The following ZNF326 variants were observed in gnomAD, a reference collection of about 807,000 sequenced individuals.
ZNF326 encodes zinc finger protein 326.
In ZNF326, 30 loss-of-function variants were observed where a neutral mutation model predicts 63.1. That is an observed-to-expected ratio of 0.48 (90% CI 0.36 to 0.64). The LOEUF is 0.64. Ranked by LOEUF, ZNF326 falls within the 30% of genes least tolerant of loss-of-function variation. The pLI, the probability that ZNF326 is intolerant of heterozygous loss-of-function variation, is 0.00. For synonymous variants in ZNF326, 194 were observed against 228.2 expected (o/e 0.85, Z 1.35); for missense variants, 609 against 720.3 (o/e 0.85, Z 1.77).
chr1:90,026,065 G>C (rs1481979969), intron 11 of ZNF326, among the ~76,000 whole-genome samples: 1 of 151,364 alleles, frequency 6.6e-6, no homozygotes, highest in African/African-American at 2.4e-5. Context: ...CTGGGTTCAC[G>C]CCATTCTCCT....
chr1:90,006,005 GGTTCCTGCTGAATATAA>G, intron 4 of ZNF326: 1 of 985,364 alleles, frequency 1.0e-6, no homozygotes, highest in Non-Finnish European at 1.2e-6. Flanking sequence ...GAGGCACAAA[GGTTCCTGCTGAATATAA>G]GTAAAACTAG....
rs1432115229 is a variant in ZNF326 at position 90,033,015 on chromosome 1, C to CT, written c.*5317dup. The CT allele has an allele frequency of 2.0e-5, 3 of 152,144 alleles. No individual in the cohort carries two copies. Among genetic ancestry groups the CT allele is most frequent in the Non-Finnish European group, 4.4e-5 (3 of 68,026 alleles). 9.4% of individuals were successfully genotyped at this position (152,144 alleles called of 1,614,324 possible). A position where few individuals can be genotyped will look rare whatever the true frequency, so the allele number is the denominator to read the frequency against. The stretch of plus-strand genomic sequence containing the variant: ...TTCCCAATTTTCCTTCTGACTGTTC[C>CT]TTTCTCCTTCCTCACACAATTAAAA... On this transcript the variant is annotated 3_prime_UTR_variant, in exon 12 of 12. Coordinates refer to ENST00000340281, the MANE Select transcript of ZNF326 (RefSeq NM_182976.4).
chr1:90,012,296 C>A (rs1570307270), intron 6 of ZNF326, among the ~76,000 whole-genome samples: 1 of 152,270 alleles, frequency 6.6e-6, no homozygotes, highest in East Asian at 1.9e-4. Flanking sequence ...CTTACTAATA[C>A]ATGGTACAAC....
At position 90,022,230 on chromosome 1, in the gene ZNF326, G is replaced by A. The variant is rs758155740; in HGVS notation, c.1306-20G>A. The A allele has an allele frequency of 1.3e-6, 2 of 1,546,510 alleles. No homozygotes were observed. The highest frequency in any genetic ancestry group is 1.8e-6 in the Non-Finnish European group (2 of 1,129,430). On this transcript the variant is annotated intron_variant, in intron 10 of 11. Coordinates refer to ENST00000340281, the MANE Select transcript of ZNF326 (RefSeq NM_182976.4). ...ATGGCATGGTTTTCAAGAACCCTCA[G>A]TGTGTTCTGTTTTTTATAGGCTTAT...
chr1:90,017,274 G>T, intron 7 of ZNF326, 43 bp from the exon 8 acceptor site: 2 of 1,372,550 alleles, frequency 1.5e-6, no homozygotes, highest in South Asian at 1.4e-5. Context: ...CTTTATAGTT[G>T]AATAAAGTAA....
chr1:90,006,144 A>G, intron 4 of ZNF326: 5 of 985,444 alleles, frequency 5.1e-6, no homozygotes, highest in Non-Finnish European at 6.0e-6. Flanking sequence ...GTGTACCACT[A>G]TGGTTTATAG....
At chr1:90,026,717 C>G (rs1650030819) in intron 11 of ZNF326, among the ~76,000 whole-genome samples, 1 of 152,164 alleles carries the variant, frequency 6.6e-6, no homozygotes, top group Non-Finnish European at 1.5e-5. Context: ...TAGTGCCAAT[C>G]TTAATATTTT....
chr1:90,009,708 TAGG>T (rs1446768268), intron 5 of ZNF326, among the ~76,000 whole-genome samples: 1 of 152,180 alleles, frequency 6.6e-6, no homozygotes, highest in Non-Finnish European at 1.5e-5. Flanking sequence ...AGATTTCTTT[TAGG>T]GTCTTTTCAT....
chr1:90,017,682 C>G (rs770514406), intron 8 of ZNF326, among the ~76,000 whole-genome samples: 1 of 152,176 alleles, frequency 6.6e-6, no homozygotes, highest in Non-Finnish European at 1.5e-5. Flanking sequence ...TTCACAGTTT[C>G]TGCGGGAGGT....
In ZNF326 at chr1:90,007,380, C is replaced by T; in HGVS notation, c.245C>T (p.Ser82Phe). The T allele has an allele frequency of 6.2e-7, 1 of 1,612,852 alleles. No homozygotes were observed. Residue 82 changes from serine to phenylalanine, a missense_variant, in exon 5 of 12, where the codon TCT becomes TTT. By Grantham distance (155) the Ser-to-Phe change is radical (BLOSUM62 -2). Coordinates refer to ENST00000340281, the MANE Select transcript of ZNF326 (RefSeq NM_182976.4). The surrounding 1 kb of genome is among the most constrained non-coding windows in gnomAD (Gnocchi z 4.9). ...GPYESYDSRSSLGGRDLYRSG... is the reference protein window; with the variant it reads ...GPYESYDSRSFLGGRDLYRSG... ...TATGAGTCTTACGACTCCAGGTCTT[C>T]TCTGGGTGGGCGAGATCTGTACAGA...
At chr1:90,010,571 G>A (rs1403145761) in intron 6 of ZNF326, among the ~76,000 whole-genome samples, 1 of 152,036 alleles carries the variant, frequency 6.6e-6, no homozygotes, top group East Asian at 1.9e-4. Flanking sequence ...TAAATAATTT[G>A]CTGCCTAAGT....
At chr1:90,022,374 A>G (rs1570319474) in intron 11 of ZNF326, 29 bp downstream of exon 11, 3 of 1,506,912 alleles carry the variant, frequency 2.0e-6, no homozygotes, top group Non-Finnish European at 2.8e-6. Context: ...AACCTTTTCA[A>G]TAATATTGTA....
At chr1:89,999,844 T>C (rs948522568) in intron 2 of ZNF326, among the ~76,000 whole-genome samples, 2 of 152,200 alleles carry the variant, frequency 1.3e-5, no homozygotes, top group African/African-American at 2.4e-5. Flanking sequence ...GCATCAGATA[T>C]CGTTCTAGGA....
chr1:90,003,556 T>C (rs1648806799), intron 2 of ZNF326, among the ~76,000 whole-genome samples: 1 of 152,316 alleles, frequency 6.6e-6, no homozygotes, highest in South Asian at 2.1e-4. Flanking sequence ...CTTTTGTAAA[T>C]ATTCAGAAGA....
Position 89,995,248 on chromosome 1 carries a change from A to G in ZNF326, c.-10A>G, listed in dbSNP as rs200067278. On this transcript the variant is annotated 5_prime_UTR_variant, in exon 1 of 12. Transcript: ENST00000340281. ...AGCGCCGCCAAGGCCGACGGCCCTC[A>G]GCCTCTGCCATGGACTTCGAGGACG... 13 of 1,552,948 alleles carry G rather than the reference A, an allele frequency of 8.4e-6. No individual in the cohort carries two copies. In the Admixed American group the frequency reaches 1.9e-4, roughly 23 times the overall value.
intron 6 of ZNF326, among the ~76,000 whole-genome samples, chr1:90,011,985 C>T (rs1649270151): frequency 6.6e-6 from 1 of 152,056 alleles, no homozygotes; most frequent in South Asian, 2.1e-4. Context: ...TACAGATGTG[C>T]ACCACCACGC....
intron 1 of ZNF326, among the ~76,000 whole-genome samples, chr1:89,997,825 T>C (rs568261650): frequency 1.3e-5 from 2 of 152,226 alleles, no homozygotes; most frequent in Admixed American, 1.3e-4. Flanking sequence ...TACAAATCAG[T>C]GCTGAATCCC....
At chr1:90,009,950 A>G in intron 5 of ZNF326, 138 bp from the exon 6 acceptor site, 1 of 719,530 alleles carries the variant, frequency 1.4e-6, no homozygotes, top group East Asian at 2.8e-5. Flanking sequence ...GTTTTTTCAG[A>G]ATGGACATGT....
intron 11 of ZNF326, among the ~76,000 whole-genome samples, chr1:90,022,665 G>T (rs1649828672): frequency 6.6e-6 from 1 of 152,160 alleles, no homozygotes; most frequent in Non-Finnish European, 1.5e-5. Context: ...CTATGTAGTT[G>T]CTGTGGACTT....
Sources: allele counts gnomAD v4.1 joint callset (sites outside exome capture counted in the v4.1 genomes callset), GRCh38; gene constraint gnomAD v4.1.1; non-coding constraint Gnocchi (gnomAD v3.1); transcripts MANE v1.5; gene names NCBI Gene and HGNC (gene_info 2026-07-23, HGNC 2026-07-21).